Variants in ATRNL1 observed in about 807,000 individuals in gnomAD.
The protein encoded by ATRNL1 is attractin like 1, also known as attractin-like protein 1.
Under a neutral mutation model 182.7 loss-of-function variants are expected in ATRNL1, and 95 were observed. That is an observed-to-expected ratio of 0.52 (90% CI 0.44 to 0.62). ATRNL1 has a LOEUF of 0.62. Among genes scored for constraint, ATRNL1 ranks in the 20% least tolerant of loss-of-function variants. The probability of loss-of-function intolerance (pLI) is 0.00; values close to 1 mark genes in which losing one functional copy is unlikely to be tolerated. For synonymous variants in ATRNL1, 576 were observed against 568.3 expected (o/e 1.01, Z -0.19); for missense variants, 1,471 against 1,679.5 (o/e 0.88, Z 2.17).
intron 24 of ATRNL1, among the ~76,000 whole-genome samples, chr10:115,514,497 G>A (rs916222221): frequency 1.3e-5 from 2 of 151,708 alleles, no homozygotes; most frequent in African/African-American, 4.8e-5. Flanking sequence ...ATATAGAGAT[G>A]TTTCATGTGT....
chr10:115,219,686 T>C (rs1849371025), intron 9 of ATRNL1, among the ~76,000 whole-genome samples: 1 of 152,120 alleles, frequency 6.6e-6, no homozygotes, highest in Admixed American at 6.5e-5. Flanking sequence ...GTGGATTGCT[T>C]GAACTTAGGA....
At chr10:115,598,000 G>A in intron 26 of ATRNL1, 1 of 159,346 alleles carries the variant, frequency 6.3e-6, no homozygotes, top group Non-Finnish European at 1.4e-5. Flanking sequence ...TACAAATCCA[G>A]GTATTTAGCT....
intron 27 of ATRNL1, among the ~76,000 whole-genome samples, chr10:115,781,395 G>T (rs782379489): frequency 6.6e-6 from 1 of 152,138 alleles, no homozygotes; most frequent in African/African-American, 2.4e-5. Context: ...AAAAAAACAT[G>T]TACAAGATGA....
intron 28 of ATRNL1, among the ~76,000 whole-genome samples, chr10:115,868,822 CTTTTTTTTTTTTT>C (rs67676674): frequency 1.4e-4 from 8 of 58,084 alleles, no homozygotes; most frequent in African/African-American, 2.4e-4. Context: ...AGTCTTTATT[CTTTTTTTTTTTTT>C]TTTTTTTTTT....
At chr10:115,408,272 G>A (rs2134328197) in intron 20 of ATRNL1, among the ~76,000 whole-genome samples, 1 of 152,072 alleles carries the variant, frequency 6.6e-6, no homozygotes, top group South Asian at 2.1e-4. Context: ...CAAAGTGCTG[G>A]GATTACAGGC....
chr10:115,116,927 T>A (rs1208963870), intron 1 of ATRNL1, among the ~76,000 whole-genome samples: 1 of 152,048 alleles, frequency 6.6e-6, no homozygotes, highest in Non-Finnish European at 1.5e-5. Context: ...GGACAGGGTG[T>A]GTAGTTTTCA....
chr10:115,919,096 C>T (rs1413256140), intron 28 of ATRNL1, among the ~76,000 whole-genome samples: 1 of 152,292 alleles, frequency 6.6e-6, no homozygotes, highest in Non-Finnish European at 1.5e-5. Context: ...CACTGAGGTC[C>T]ACAGTTCCAG....
At chr10:115,717,134 CT>C (rs1947277182) in intron 26 of ATRNL1, among the ~76,000 whole-genome samples, 2 of 152,044 alleles carry the variant, frequency 1.3e-5, no homozygotes, top group Non-Finnish European at 1.5e-5. Flanking sequence ...CAAAATTGAC[CT>C]TTTGATACTT....
At chr10:115,805,599 T>C (rs1317785139) in intron 27 of ATRNL1, among the ~76,000 whole-genome samples, 2 of 152,138 alleles carry the variant, frequency 1.3e-5, no homozygotes, top group Non-Finnish European at 2.9e-5. Flanking sequence ...GGGAGCTTAG[T>C]TCTATGTAGT....
intron 20 of ATRNL1, among the ~76,000 whole-genome samples, chr10:115,410,350 T>G (rs763464530): frequency 9.9e-5 from 15 of 151,370 alleles, no homozygotes; most frequent in Non-Finnish European, 2.2e-4. Flanking sequence ...TTTAACAGAG[T>G]CTTGCTCTGT....
intron 19 of ATRNL1, among the ~76,000 whole-genome samples, chr10:115,346,198 C>A (rs1855966625): frequency 6.6e-6 from 1 of 152,070 alleles, no homozygotes; most frequent in Admixed American, 6.6e-5. Flanking sequence ...CATTTTCATT[C>A]CTCTTTAAAA....
chr10:115,660,727 T>A lies in ATRNL1; in HGVS notation c.3796-66521T>A, dbSNP rs369465927. ...ATTAGAGAAGTAAGAGATGAGAAAG[T>A]AGAGTGAGTAAAAATAACTCTTTCA... On this transcript the variant is annotated intron_variant, in intron 26 of 28. Transcript: ENST00000355044. 5.9e-5 allele frequency among the ~76,000 whole-genome samples: 9 copies of A among 152,106 alleles called. 1 individual carries two copies. The highest frequency in any genetic ancestry group is 1.9e-4 in the African/African-American group (8 of 41,508).
chr10:115,306,043 A>G (rs1267414455), intron 17 of ATRNL1, among the ~76,000 whole-genome samples: 2 of 152,192 alleles, frequency 1.3e-5, no homozygotes, highest in African/African-American at 4.8e-5. Flanking sequence ...ACTCTTAACA[A>G]CTTTCTAAAA....
intron 26 of ATRNL1, among the ~76,000 whole-genome samples, chr10:115,691,211 C>A (rs7093582): frequency 0.46 from 69,893 of 151,936 alleles, 16,793 homozygotes; most frequent in East Asian, 0.71. Flanking sequence ...TGTTTTCCAT[C>A]GTGCCTGTAC....
At chr10:115,561,427 T>G (rs146224884) in intron 26 of ATRNL1, among the ~76,000 whole-genome samples, 2 of 152,254 alleles carry the variant, frequency 1.3e-5, no homozygotes, top group East Asian at 3.9e-4. Context: ...GAAAATATTC[T>G]GAAAAAATGT....
rs530590076 is a variant in ATRNL1, at chr10:115,434,680, T to A, written c.3322+8378T>A. 5.3e-5 allele frequency among the ~76,000 whole-genome samples: 8 copies of A among 152,284 alleles called. No homozygotes were observed. The East Asian group carries it at 1.5e-3, about 29-fold the overall frequency. ...AATTGATATAAAAATTTTATGTAAT[T>A]CCATTATAGAATTTCATTCAATTTT... On this transcript the variant is annotated intron_variant, in intron 21 of 28. Transcript: ENST00000355044.
chr10:115,116,584 C>G (rs1844494871), intron 1 of ATRNL1, among the ~76,000 whole-genome samples: 1 of 152,034 alleles, frequency 6.6e-6, no homozygotes, highest in Admixed American at 6.6e-5. Context: ...AAGTGGCATG[C>G]AGGTAAAGGT....
At chr10:115,905,362 A>AT (rs1317728253) in intron 28 of ATRNL1, among the ~76,000 whole-genome samples, 5 of 151,018 alleles carry the variant, frequency 3.3e-5, no homozygotes, top group African/African-American at 1.2e-4. Flanking sequence ...CTGGGACCAT[A>AT]TGCCTATACC....
chr10:115,369,980 G>A (rs1486132357), intron 19 of ATRNL1, among the ~76,000 whole-genome samples: 3 of 152,298 alleles, frequency 2.0e-5, no homozygotes, highest in South Asian at 2.1e-4. Flanking sequence ...GAGGGATCTG[G>A]TAGAAGATAA....
Sources: allele counts gnomAD v4.1 joint callset (sites outside exome capture counted in the v4.1 genomes callset), GRCh38; gene constraint gnomAD v4.1.1; transcripts MANE v1.5; gene names NCBI Gene and HGNC (gene_info 2026-07-23, HGNC 2026-07-21).